Variants in KDM4C observed in about 807,000 individuals in gnomAD.
The protein encoded by KDM4C is lysine-specific demethylase 4C.
Under a neutral mutation model 129.3 loss-of-function variants are expected in KDM4C, and 81 were observed. That is an observed-to-expected ratio of 0.63 (90% CI 0.52 to 0.75). KDM4C has a LOEUF of 0.75. Among genes scored for constraint, KDM4C ranks in the 30% least tolerant of loss-of-function variants. The pLI, the probability that KDM4C is intolerant of heterozygous loss-of-function variation, is 0.00. For missense variants in KDM4C, 1,457 were observed against 1,304.0 expected (o/e 1.12, Z -1.81); for synonymous variants, 573 against 456.1 (o/e 1.26, Z -3.26).
chr9:7,017,711 C>T (rs941553178), intron 15 of KDM4C, among the ~76,000 whole-genome samples: 1 of 152,214 alleles, frequency 6.6e-6, no homozygotes, highest in Non-Finnish European at 1.5e-5. Flanking sequence ...TCGATGATTT[C>T]AGCTGTAATA....
chr9:6,841,099 C>G (rs1360452740), intron 4 of KDM4C, among the ~76,000 whole-genome samples: 1 of 152,120 alleles, frequency 6.6e-6, no homozygotes, highest in Non-Finnish European at 1.5e-5. Context: ...CAGGTTCTTT[C>G]AGTATTTTCT....
intron 5 of KDM4C, among the ~76,000 whole-genome samples, chr9:6,875,819 C>T (rs1321494833): frequency 6.6e-6 from 1 of 152,144 alleles, no homozygotes; most frequent in East Asian, 1.9e-4. Flanking sequence ...TCCTGCAGTG[C>T]TTTATATGTG....
intron 4 of KDM4C, among the ~76,000 whole-genome samples, chr9:6,835,934 C>A (rs1323018470): frequency 1.3e-5 from 2 of 152,124 alleles, no homozygotes; most frequent in Non-Finnish European, 2.9e-5. Flanking sequence ...TCCTCCGAGT[C>A]CACATAGGGG....
intron 8 of KDM4C, chr9:6,925,555 C>T (rs1358873890): frequency 5.3e-5 from 52 of 978,898 alleles, no homozygotes; most frequent in Admixed American, 6.2e-5. Flanking sequence ...CTTGGCCTCC[C>T]GAAGTTCTGG....
At chr9:7,036,023 G>T (rs1392583148) in intron 15 of KDM4C, among the ~76,000 whole-genome samples, 1 of 152,112 alleles carries the variant, frequency 6.6e-6, no homozygotes, top group African/African-American at 2.4e-5. Context: ...TCTGTGAAGA[G>T]TGTCATTGGT....
At chr9:6,859,278 C>T (rs953762601) in intron 5 of KDM4C, among the ~76,000 whole-genome samples, 19 of 151,844 alleles carry the variant, frequency 1.3e-4, no homozygotes, top group African/African-American at 4.6e-4. Flanking sequence ...GAGATCAAGA[C>T]CATCCTGGCC....
intron 8 of KDM4C, among the ~76,000 whole-genome samples, chr9:6,977,401 AGT>A (rs1833106019): frequency 1.3e-5 from 2 of 152,192 alleles, no homozygotes; most frequent in African/African-American, 4.8e-5. Context: ...ACTTTTTCCC[AGT>A]ATGTTCTGAA....
chr9:7,171,162 G>A (rs1369821489), intron 21 of KDM4C, among the ~76,000 whole-genome samples: 1 of 152,110 alleles, frequency 6.6e-6, no homozygotes, highest in Admixed American at 6.5e-5. Flanking sequence ...TCAGAGGAAG[G>A]TCCTTCAAAG....
At chr9:6,977,072 T>A (rs1410596892) in intron 8 of KDM4C, among the ~76,000 whole-genome samples, 2 of 152,164 alleles carry the variant, frequency 1.3e-5, no homozygotes, top group Non-Finnish European at 2.9e-5. Flanking sequence ...GGTCTAGAAC[T>A]CCTGGGATCA....
chr9:6,757,970 G>T, upstream of KDM4C: 1 of 985,380 alleles, frequency 1.0e-6, no homozygotes, highest in Non-Finnish European at 1.2e-6. Context: ...CCCTCGCGCA[G>T]GGAGAGCCGG....
intron 17 of KDM4C, among the ~76,000 whole-genome samples, chr9:7,085,715 C>CTCA (rs772180767): frequency 1.1e-4 from 16 of 152,116 alleles, no homozygotes; most frequent in Non-Finnish European, 2.1e-4. Context: ...TCTCAGACTG[C>CTCA]GTGGTGGGAT....
chr9:6,979,400 T>C (rs576932133), intron 8 of KDM4C, among the ~76,000 whole-genome samples: 28 of 152,042 alleles, frequency 1.8e-4, no homozygotes, highest in Admixed American at 1.8e-3. Context: ...TGCAGGAAGG[T>C]GGTGTGGTAG....
At chr9:7,126,438 G>A (rs910587376) in intron 18 of KDM4C, among the ~76,000 whole-genome samples, 25 of 152,128 alleles carry the variant, frequency 1.6e-4, no homozygotes, top group African/African-American at 6.0e-4. Flanking sequence ...TAGGGATTGA[G>A]CAAATGAGTA....
chr9:7,092,286 AT>A, intron 17 of KDM4C, among the ~76,000 whole-genome samples: 2 of 152,290 alleles, frequency 1.3e-5, no homozygotes, highest in South Asian at 4.2e-4. Flanking sequence ...GGTAACCTGC[AT>A]CTTAGTGGGA....
intron 17 of KDM4C, among the ~76,000 whole-genome samples, chr9:7,070,274 G>A (rs1833011804): frequency 6.6e-6 from 1 of 152,102 alleles, no homozygotes; most frequent in South Asian, 2.1e-4. Context: ...TGCTGTCATT[G>A]GTGTATTGTA....
At chr9:7,092,334 AGGTGGGGGTAAG>A (rs1169506008) in intron 17 of KDM4C, among the ~76,000 whole-genome samples, 1 of 152,158 alleles carries the variant, frequency 6.6e-6, no homozygotes, top group Non-Finnish European at 1.5e-5. Flanking sequence ...TTACTCTGCC[AGGTGGGGGTAAG>A]GGTATTGAGT....
rs140890964 is a variant in KDM4C at position 6,790,562 on chromosome 9, C to G, written c.-17-2410C>G. On this transcript the variant is annotated intron_variant, in intron 1 of 21. Transcript: ENST00000381309. ...AGCCCTAGCCCTGGCCAGCCCTGCT[C>G]TGTTTTAACCTGTTACTATCTCATG... Among the ~76,000 whole-genome samples, 19 of 143,192 alleles carry G rather than the reference C, an allele frequency of 1.3e-4. No individual in the cohort carries two copies. In the East Asian group the frequency reaches 4.0e-3, roughly 30 times the overall value. The allele number at this position is 143,192 out of a possible 152,430, so 93.9% of individuals were successfully genotyped here.
At chr9:7,098,182 G>A (rs1028686313) in intron 17 of KDM4C, among the ~76,000 whole-genome samples, 6 of 152,210 alleles carry the variant, frequency 3.9e-5, no homozygotes, top group African/African-American at 1.4e-4. Context: ...AGTGCCAACA[G>A]TGACTCATTA....
chr9:6,783,179 A>T (rs1399548331), intron 1 of KDM4C, among the ~76,000 whole-genome samples: 4 of 152,016 alleles, frequency 2.6e-5, no homozygotes, highest in Non-Finnish European at 5.9e-5. Context: ...GCTTCCCTTT[A>T]TTGCAGCACC....
Sources: allele counts gnomAD v4.1 joint callset (sites outside exome capture counted in the v4.1 genomes callset), GRCh38; gene constraint gnomAD v4.1.1; transcripts MANE v1.5; gene names NCBI Gene and HGNC (gene_info 2026-07-23, HGNC 2026-07-21).